Variants in ANKRD26 observed in about 807,000 individuals in gnomAD.
ANKRD26 encodes ankyrin repeat domain 26.
Under a neutral mutation model 208.7 loss-of-function variants are expected in ANKRD26, and 141 were observed. The ratio of observed to expected loss-of-function variants is 0.68; its 90% confidence interval spans 0.59 to 0.78. The LOEUF (loss-of-function observed/expected upper bound fraction) is 0.78, where lower values mean the gene tolerates loss of function less well. ANKRD26 is among the 30% of genes least tolerant of loss of function. The pLI is 0.00. For missense variants in ANKRD26, 1,889 were observed against 1,938.7 expected, an observed-to-expected ratio of 0.97 and a Z score of 0.48; for synonymous variants, 636 against 660.4, an observed-to-expected ratio of 0.96 and a Z score of 0.57.
intron 3 of ANKRD26, among the ~76,000 whole-genome samples, chr10:26,985,462 T>C (rs984791735): frequency 1.3e-5 from 2 of 152,186 alleles, no homozygotes; most frequent in Admixed American, 6.5e-5. Flanking sequence ...TGTTTCCAAG[T>C]AGATTTCCCT....
chr10:27,021,302 C>T (rs1414690754), intron 29 of ANKRD26, among the ~76,000 whole-genome samples: 2 of 152,190 alleles, frequency 1.3e-5, no homozygotes, highest in Non-Finnish European at 2.9e-5. Flanking sequence ...TGGATAAATA[C>T]CTGGTAGTAG....
chr10:26,962,499 C>T, the ANKRD26 span, among the ~76,000 whole-genome samples: 315 of 152,146 alleles, frequency 2.1e-3, 1 homozygote, highest in Non-Finnish European at 3.2e-3. Context: ...CACTTGAACC[C>T]GGGAGGCAGA....
chr10:27,024,008 A>ACACACACACACACACACAC (rs1564364148), intron 28 of ANKRD26, among the ~76,000 whole-genome samples: 28 of 151,680 alleles, frequency 1.8e-4, no homozygotes, highest in East Asian at 3.9e-4. Flanking sequence ...ACACACACAC[A>ACACACACACACACACACAC]AAGAGGCAGA....
chr10:27,062,848 A>T (rs1024570208), intron 12 of ANKRD26, among the ~76,000 whole-genome samples: 3 of 151,724 alleles, frequency 2.0e-5, no homozygotes, highest in Non-Finnish European at 2.9e-5. Flanking sequence ...GCTCACTGCA[A>T]CTTCCGTCTC....
intron 20 of ANKRD26, among the ~76,000 whole-genome samples, chr10:27,040,681 G>A (rs963316759): frequency 8.5e-5 from 13 of 152,120 alleles, no homozygotes; most frequent in African/African-American, 2.9e-4. Context: ...ATGAAACAAC[G>A]AGTTTCAAGA....
intron 15 of ANKRD26, among the ~76,000 whole-genome samples, chr10:27,056,221 A>C (rs2054834748): frequency 6.6e-6 from 1 of 152,070 alleles, no homozygotes; most frequent in Non-Finnish European, 1.5e-5. Flanking sequence ...TCTGTCGCCC[A>C]GGTTGGAGGG....
chr10:27,051,947 T>G (rs1386729281), intron 16 of ANKRD26: 1 of 985,354 alleles, frequency 1.0e-6, no homozygotes. Context: ...CTAATTTGCC[T>G]TGTTTGGTCC....
chr10:27,047,256 T>A (rs942713838), intron 17 of ANKRD26, among the ~76,000 whole-genome samples: 2 of 152,190 alleles, frequency 1.3e-5, no homozygotes, highest in African/African-American at 4.8e-5. Flanking sequence ...AAAATCCTTT[T>A]AGAATACCTA....
chr10:27,088,733 T>C (rs149996309), intron 4 of ANKRD26, among the ~76,000 whole-genome samples: 6 of 152,288 alleles, frequency 3.9e-5, no homozygotes, highest in Admixed American at 1.3e-4. Flanking sequence ...TTGGAGTACA[T>C]TCCTGGTAGC....
In ANKRD26 at chr10:27,060,393, C is replaced by T; in HGVS notation, c.1516G>A (p.Val506Ile). 1 of 1,612,788 alleles carries T rather than the reference C, an allele frequency of 6.2e-7. No homozygotes were observed. Among genetic ancestry groups the T allele is most frequent in the Non-Finnish European group, 8.5e-7 (1 of 1,179,036 alleles). ...LKPTIEMKDS[V>I]PNKAGGMKDV... ...TTCATTCCTCCTGCTTTATTTGGAA[C>T]AGAATCTTTCATTTCAATGGTAGGC... is the stretch of plus-strand genomic sequence containing the variant. The change falls in exon 15 of 34, where the codon GTT (valine) becomes ATT (isoleucine). Residue 506 changes from valine to isoleucine, a missense_variant. Transcript: ENST00000376087.
the ANKRD26 span, among the ~76,000 whole-genome samples, chr10:26,954,500 T>G: frequency 6.6e-6 from 1 of 152,188 alleles, no homozygotes; most frequent in East Asian, 1.9e-4. Context: ...AACTTACCTG[T>G]TTATTTTTTC....
intron 20 of ANKRD26, among the ~76,000 whole-genome samples, chr10:27,042,798 C>CAAAAA (rs60850386): frequency 1.2e-4 from 6 of 48,950 alleles, no homozygotes; most frequent in East Asian, 4.7e-4. Context: ...CAAAAAAATA[C>CAAAAA]AAAAAAAAAA....
chr10:26,994,452 T>C (rs1031965356), intron 5 of ANKRD26, among the ~76,000 whole-genome samples: 1 of 152,212 alleles, frequency 6.6e-6, no homozygotes, highest in Non-Finnish European at 1.5e-5. Context: ...GGGTTTATTA[T>C]TAGGTTCACA....
At chr10:26,995,904 A>C (rs1021067922) in intron 4 of ANKRD26, among the ~76,000 whole-genome samples, 1 of 152,172 alleles carries the variant, frequency 6.6e-6, no homozygotes, top group Admixed American at 6.5e-5. Flanking sequence ...TCGGCCTTTA[A>C]TATTTGGGAA....
chr10:27,051,794 T>C, intron 16 of ANKRD26: 1 of 985,338 alleles, frequency 1.0e-6, no homozygotes, highest in South Asian at 4.7e-5. Context: ...AAGAAGAAGG[T>C]ATTTCCTTTA....
chr10:27,025,321 C>T (rs112284829), intron 27 of ANKRD26, among the ~76,000 whole-genome samples: 2,846 of 152,144 alleles, frequency 0.019, 153 homozygotes, highest in East Asian at 0.16. Flanking sequence ...CAGGCATGCA[C>T]CACCACATCG....
At chr10:26,992,297 T>G (rs112235669) in intron 5 of ANKRD26, among the ~76,000 whole-genome samples, 3 of 152,272 alleles carry the variant, frequency 2.0e-5, no homozygotes, top group African/African-American at 7.2e-5. Flanking sequence ...GGAGAAAGAA[T>G]TTTAGAGGTA....
intron 28 of ANKRD26, among the ~76,000 whole-genome samples, chr10:27,023,094 C>T (rs1468234150): frequency 2.0e-5 from 3 of 152,132 alleles, no homozygotes; most frequent in East Asian, 1.9e-4. Flanking sequence ...TTTGGGAGAC[C>T]GAGCCAGGCG....
At position 27,035,663 on chromosome 10, in the gene ANKRD26, G is replaced by A. The variant is rs370940054; in HGVS notation, c.2787C>T (p.Asp929=). 1.9e-6 allele frequency: 3 copies of A among 1,596,712 alleles called. No individual in the cohort carries two copies. In the African/African-American group the frequency reaches 4.1e-5, roughly 22 times the overall value. The change falls in exon 24 of 34, where the codon GAC becomes GAT. Residue 929 remains aspartate (D), a synonymous_variant. Coordinates refer to ENST00000376087, the MANE Select transcript of ANKRD26 (RefSeq NM_014915.3). ...EEIAMLRLEI[D]TIKNQNQEKE... ...TTTCCTGGTTTTGATTTTTTATTGT[G>A]TCTATTTCTAGTCTTAGCATAGCAA...
Sources: allele counts gnomAD v4.1 joint callset (sites outside exome capture counted in the v4.1 genomes callset), GRCh38; gene constraint gnomAD v4.1.1; transcripts MANE v1.5; gene names NCBI Gene and HGNC (gene_info 2026-07-23, HGNC 2026-07-21).